The following RSPO4 variants were observed in gnomAD, a reference collection of about 807,000 sequenced individuals.
RSPO4 encodes R-spondin 4.
A neutral mutation model predicts 24.8 loss-of-function variants in RSPO4; 23 were observed. The observed-to-expected ratio is 0.93, with a 90% CI of 0.67 to 1.31. RSPO4 has a LOEUF of 1.31. Among genes scored for constraint, RSPO4 ranks in the 40% most tolerant of loss-of-function variants. The pLI is 0.00. For missense variants in RSPO4, 333 were observed against 316.5 expected (o/e 1.05, Z -0.39); for synonymous variants, 141 against 127.4 (o/e 1.11, Z -0.72).
intron 3 of RSPO4, among the ~76,000 whole-genome samples, chr20:966,726 A>C (rs1294329551): frequency 1.3e-5 from 2 of 152,154 alleles, no homozygotes; most frequent in East Asian, 3.9e-4. Flanking sequence ...GTTGTGGTAC[A>C]TGCCTGTGGT....
At chr20:966,288 C>G (rs1346592589) in intron 3 of RSPO4, among the ~76,000 whole-genome samples, 2 of 152,110 alleles carry the variant, frequency 1.3e-5, no homozygotes, top group Non-Finnish European at 2.9e-5. Flanking sequence ...AGGAGTGTGA[C>G]AAGGAGCTGT....
rs1984386781 is a variant in RSPO4, at chr20:970,961, G to A, written c.80-2823C>T. Reference sequence around the variant, plus strand: ...GGGCTCAAGCAATCCTCCTGCCTCAGCCTCCTAAGTAGCTGGGACTACAGG... The same window carrying A: ...GGGCTCAAGCAATCCTCCTGCCTCAACCTCCTAAGTAGCTGGGACTACAGG... On this transcript the variant is annotated intron_variant, in intron 1 of 4. Transcript: ENST00000217260. This position sits in a 1 kb window ranked among gnomAD's most constrained non-coding sequence, Gnocchi z 4.1. 6.6e-6 allele frequency among the ~76,000 whole-genome samples: 1 copy of A among 152,242 alleles called. No homozygotes were observed. The highest frequency in any genetic ancestry group is 1.9e-4 in the East Asian group (1 of 5,180).
At chr20:966,449 G>GTC (rs147649503) in intron 3 of RSPO4, among the ~76,000 whole-genome samples, 18,834 of 150,896 alleles carry the variant, frequency 0.12, 1,189 homozygotes, top group Middle Eastern at 0.19. Context: ...ATGTTCTATT[G>GTC]TCTTTTTTTT....
intron 4 of RSPO4, among the ~76,000 whole-genome samples, chr20:962,445 A>T (rs943880190): frequency 6.6e-6 from 1 of 152,142 alleles, no homozygotes; most frequent in Admixed American, 6.5e-5. Context: ...TATCCAGGGG[A>T]AAAGCTTTCC....
intron 3 of RSPO4, among the ~76,000 whole-genome samples, chr20:966,962 G>T (rs1364950788): frequency 6.6e-6 from 1 of 152,252 alleles, no homozygotes; most frequent in Non-Finnish European, 1.5e-5. Flanking sequence ...GTTGGTTGTA[G>T]TAGTAATCAT....
Position 968,005 on chromosome 20 carries a change from G to A in RSPO4, c.213C>T (p.His71=). ...TGCCGAAGTACCCAGGGGGACAGTC[G>A]TGCAGGCACTTGCCGTACTGGCGGA... The part of the protein sequence containing the change: ...EGIRQYGKCL[H]DCPPGYFGIR... The change falls in exon 2 of 5, where the codon CAC becomes CAT. Residue 71 remains histidine, a synonymous_variant. Transcript: ENST00000217260. 6.2e-7 allele frequency: 1 copy of A among 1,614,254 alleles called. No individual in the cohort carries two copies. Among genetic ancestry groups the A allele is most frequent in the South Asian group, 1.1e-5 (1 of 91,086 alleles).
At chr20:987,175 G>A (rs112456846) in intron 1 of RSPO4, among the ~76,000 whole-genome samples, 2,898 of 152,288 alleles carry the variant, frequency 0.019, 93 homozygotes, top group African/African-American at 0.066. Context: ...TTTATCTCCA[G>A]CCAGCTGGTC....
At chr20:996,822 C>T (rs187069463) in intron 1 of RSPO4, among the ~76,000 whole-genome samples, 65 of 151,336 alleles carry the variant, frequency 4.3e-4, no homozygotes, top group Middle Eastern at 3.4e-3. Context: ...TCACTTCCTT[C>T]GGCCACGCAG....
At chr20:982,970 C>A (rs1984788448) in intron 1 of RSPO4, among the ~76,000 whole-genome samples, 1 of 152,204 alleles carries the variant, frequency 6.6e-6, no homozygotes, top group Admixed American at 6.5e-5. Flanking sequence ...GGATTGGGGG[C>A]AACGCCCACC....
At chr20:963,442 C>G (rs970042440) in intron 4 of RSPO4, among the ~76,000 whole-genome samples, 2 of 152,120 alleles carry the variant, frequency 1.3e-5, no homozygotes, top group Non-Finnish European at 2.9e-5. Context: ...GGCGATGTGG[C>G]CACGTACTTG....
chr20:1,001,766 G>A lies in RSPO4; in HGVS notation c.79+320C>T, dbSNP rs545747106. Among the ~76,000 whole-genome samples, 36 of 152,226 alleles carry A rather than the reference G, an allele frequency of 2.4e-4. No homozygotes were observed. In the South Asian group the frequency reaches 6.8e-3, roughly 29 times the overall value. ...GTCTGTCTCCTAGTCCCTGTGCCCC[G>A]CAGGCTGGCTCTTGAGTCTTCTGTC... On this transcript the variant is annotated intron_variant, in intron 1 of 4. Coordinates refer to ENST00000217260, the MANE Select transcript of RSPO4 (RefSeq NM_001029871.4).
At chr20:991,751 A>C (rs941336606) in intron 1 of RSPO4, among the ~76,000 whole-genome samples, 23 of 152,070 alleles carry the variant, frequency 1.5e-4, no homozygotes, top group Non-Finnish European at 3.1e-4. Flanking sequence ...AATACATTAA[A>C]ATTAATAAAA....
Position 1,002,004 on chromosome 20 carries a change from C to G in RSPO4, c.79+82G>C, listed in dbSNP as rs948945956. 2.4e-6 allele frequency: 3 copies of G among 1,250,932 alleles called. No homozygotes were observed. Among genetic ancestry groups the G allele is most frequent in the African/African-American group, 1.5e-5 (1 of 66,646 alleles). The allele number at this position is 1,250,932 out of a possible 1,614,324, so 77.5% of individuals were successfully genotyped here. A position where few individuals can be genotyped will look rare whatever the true frequency, so the allele number is the denominator to read the frequency against. ...GCGCCAGGCACCAGGCAGATGCCCC[C>G]AGAGCCGCCGCCCCCGGTCCTCCGG... On this transcript the variant is annotated intron_variant, in intron 1 of 4. Transcript: ENST00000217260. This position sits in a 1 kb window ranked among gnomAD's most constrained non-coding sequence, Gnocchi z 4.6.
At chr20:988,610 G>A (rs763592492) in intron 1 of RSPO4, among the ~76,000 whole-genome samples, 1 of 152,048 alleles carries the variant, frequency 6.6e-6, no homozygotes, top group African/African-American at 2.4e-5. Context: ...GAGTGCAGTG[G>A]TGTGATCTCG....
chr20:999,070 T>C (rs1166273445), intron 1 of RSPO4, among the ~76,000 whole-genome samples: 15 of 151,728 alleles, frequency 9.9e-5, no homozygotes, highest in Admixed American at 8.5e-4. Context: ...ACTGCAGCCT[T>C]GATGTCTTTC....
chr20:987,032 C>A (rs1024799136), intron 1 of RSPO4, among the ~76,000 whole-genome samples: 8 of 152,270 alleles, frequency 5.3e-5, no homozygotes, highest in African/African-American at 1.7e-4. Context: ...TTATCTGTAG[C>A]CTGAGGTAGT....
Position 1,002,201 on chromosome 20 carries a change from G to C in RSPO4, c.-37C>G, listed in dbSNP as rs1985493809. The C allele has an allele frequency of 6.8e-7, 1 of 1,478,406 alleles. No individual in the cohort carries two copies. The highest frequency in any genetic ancestry group is 1.5e-5 in the African/African-American group (1 of 68,296). 91.6% of individuals were successfully genotyped at this position (1,478,406 alleles called of 1,614,324 possible). A position where few individuals can be genotyped will look rare whatever the true frequency, so the allele number is the denominator to read the frequency against. ...GATCCGGGCTGGCGCTCCCCAGGCGGCCCGACGGCCCAAGGGCCCCACGTC... is the reference window on the plus strand; with the variant it reads ...GATCCGGGCTGGCGCTCCCCAGGCGCCCCGACGGCCCAAGGGCCCCACGTC... On this transcript the variant is annotated 5_prime_UTR_variant, in exon 1 of 5. Coordinates refer to ENST00000217260, the MANE Select transcript of RSPO4 (RefSeq NM_001029871.4). This position sits in a 1 kb window ranked among gnomAD's most constrained non-coding sequence, Gnocchi z 4.6.
chr20:1,002,223 C>G lies in RSPO4; in HGVS notation c.-59G>C, dbSNP rs1267847396. The G allele has an allele frequency of 1.6e-6, 2 of 1,269,782 alleles. No individual in the cohort carries two copies. The highest frequency in any genetic ancestry group is 3.4e-5 in the East Asian group (1 of 29,628). The allele number at this position is 1,269,782 out of a possible 1,614,324, so 78.7% of individuals were successfully genotyped here. On this transcript the variant is annotated 5_prime_UTR_variant, in exon 1 of 5. Coordinates refer to ENST00000217260, the MANE Select transcript of RSPO4 (RefSeq NM_001029871.4). This position sits in a 1 kb window ranked among gnomAD's most constrained non-coding sequence, Gnocchi z 4.6. ...GCGGCCCGACGGCCCAAGGGCCCCA[C>G]GTCCCGGCGGCGGCACGGCGGGCGC...
At position 959,757 on chromosome 20, in the gene RSPO4, A is replaced by G. The variant is rs569735482; in HGVS notation, c.*600T>C. 1.3e-5 allele frequency: 2 copies of G among 152,640 alleles called. No homozygotes were observed. Among genetic ancestry groups the G allele is most frequent in the African/African-American group, 4.8e-5 (2 of 41,560 alleles). 9.5% of individuals were successfully genotyped at this position (152,640 alleles called of 1,614,324 possible). ...AGCTCCTCGGGGTGGCTGGTGGCTGAAGGCTGTGGAAATGGCCTCTGGGGA... is the reference window on the plus strand; with the variant it reads ...AGCTCCTCGGGGTGGCTGGTGGCTGGAGGCTGTGGAAATGGCCTCTGGGGA... On this transcript the variant is annotated 3_prime_UTR_variant, in exon 5 of 5. Coordinates refer to ENST00000217260, the MANE Select transcript of RSPO4 (RefSeq NM_001029871.4).
Sources: gnomAD v4.1 joint callset for allele counts (sites outside exome capture counted in the v4.1 genomes callset) on GRCh38, gnomAD v4.1.1 for gene constraint, Gnocchi (gnomAD v3.1) non-coding constraint, MANE v1.5 for transcripts, NCBI Gene and HGNC (gene_info 2026-07-23, HGNC 2026-07-21) for gene names.